Variants in GNAL observed in about 807,000 individuals in gnomAD.
The protein encoded by GNAL is G protein subunit alpha L.
A neutral mutation model predicts 55.1 loss-of-function variants in GNAL; 18 were observed. The ratio of observed to expected loss-of-function variants is 0.33; its 90% CI spans 0.23 to 0.48. The LOEUF (loss-of-function observed/expected upper bound fraction) is 0.48. GNAL is among the 20% of genes least tolerant of loss of function. GNAL has a pLI of 0.99. For synonymous variants in GNAL, 253 were observed against 237.0 expected (o/e 1.07, Z -0.62); for missense variants, 412 against 614.1 (o/e 0.67, Z 3.48).
At chr18:11,695,921 T>TGC (rs1491408169) in intron 1 of GNAL, among the ~76,000 whole-genome samples, 2 of 146,670 alleles carry the variant, frequency 1.4e-5, no homozygotes, top group East Asian at 3.9e-4. Context: ...CATGCACGCA[T>TGC]GCACACACAC....
intron 7 of GNAL, among the ~76,000 whole-genome samples, chr18:11,864,854 T>A (rs1438218053): frequency 1.3e-5 from 2 of 152,066 alleles, no homozygotes; most frequent in Admixed American, 6.6e-5. Flanking sequence ...GATTGGCCCT[T>A]TTTTTTAGAT....
intron 5 of GNAL, chr18:11,851,724 A>T (rs1228681631): frequency 6.2e-7 from 1 of 1,613,918 alleles, no homozygotes; most frequent in African/African-American, 1.3e-5. Context: ...TGAGTGCGCG[A>T]GTCGATGCAG....
chr18:11,823,665 T>G (rs947828780), intron 4 of GNAL, among the ~76,000 whole-genome samples: 1 of 152,224 alleles, frequency 6.6e-6, no homozygotes, highest in Non-Finnish European at 1.5e-5. Context: ...CCTTCTTTTT[T>G]TCTCCAAAGA....
intron 1 of GNAL, among the ~76,000 whole-genome samples, chr18:11,730,450 A>G (rs1486435197): frequency 6.6e-6 from 1 of 151,126 alleles, no homozygotes; most frequent in African/African-American, 2.4e-5. Flanking sequence ...GTGAGCCACC[A>G]TACCTGGCCA....
At chr18:11,861,286 C>T (rs1333153201) in intron 5 of GNAL, among the ~76,000 whole-genome samples, 1 of 152,202 alleles carries the variant, frequency 6.6e-6, no homozygotes, top group South Asian at 2.1e-4. Flanking sequence ...TCTAGGGTCC[C>T]TGCTGCCCCT....
intron 4 of GNAL, among the ~76,000 whole-genome samples, chr18:11,791,766 G>C (rs1194350916): frequency 1.3e-5 from 2 of 152,146 alleles, no homozygotes; most frequent in Non-Finnish European, 2.9e-5. Context: ...TCATTGCAAG[G>C]ACTCGAAGTA....
chr18:11,858,871 T>G (rs944868364), intron 5 of GNAL, among the ~76,000 whole-genome samples: 1 of 152,098 alleles, frequency 6.6e-6, no homozygotes, highest in Admixed American at 6.5e-5. Context: ...ATTTTGGAGG[T>G]TGGCGACAGG....
rs140188788 is a variant in GNAL at position 11,697,883 on chromosome 18, A to G, written c.376+7944A>G. ...GGCAGTGGCTGGAGAGCAGCTGGGC[A>G]TTTGCCTTGGGTCTCAGAGAGGCTG... On this transcript the variant is annotated intron_variant, in intron 1 of 11. Transcript: ENST00000334049. 9.8e-3 allele frequency among the ~76,000 whole-genome samples: 1,497 copies of G among 152,284 alleles called. 15 individuals are homozygous for G. Among genetic ancestry groups the G allele is most frequent in the African/African-American group, 0.031 (1,278 of 41,544 alleles).
intron 4 of GNAL, among the ~76,000 whole-genome samples, chr18:11,791,040 A>G (rs2076358942): frequency 6.6e-6 from 1 of 152,212 alleles, no homozygotes; most frequent in South Asian, 2.1e-4. Context: ...ACAGAGCAAG[A>G]TATCCAGATT....
chr18:11,755,026 GTGTA>G (rs1403262460), intron 4 of GNAL, among the ~76,000 whole-genome samples: 2 of 150,878 alleles, frequency 1.3e-5, no homozygotes, highest in African/African-American at 4.9e-5. Flanking sequence ...GTGTGTGTGT[GTGTA>G]TGTGTATTCA....
Position 11,885,033 on chromosome 18 carries a change from G to A in GNAL, c.*3898G>A, listed in dbSNP as rs756671150. 32 of 1,294,766 alleles carry A rather than the reference G, an allele frequency of 2.5e-5. No homozygotes were observed. Among genetic ancestry groups the A allele is most frequent in the Non-Finnish European group, 3.1e-5 (31 of 992,726 alleles). The allele number at this position is 1,294,766 out of a possible 1,614,324, so 80.2% of individuals were successfully genotyped here. ...TTCCTGCCCCTTGATGCTCAACTAAGCATCTGTTCCCTAGAAATACATGTG... is the reference window on the plus strand; with the variant it reads ...TTCCTGCCCCTTGATGCTCAACTAAACATCTGTTCCCTAGAAATACATGTG... On this transcript the variant is annotated 3_prime_UTR_variant, in exon 12 of 12. Transcript: ENST00000334049.
At chr18:11,797,619 C>T (rs568022898) in intron 4 of GNAL, among the ~76,000 whole-genome samples, 24 of 152,130 alleles carry the variant, frequency 1.6e-4, no homozygotes, top group African/African-American at 5.3e-4. Context: ...TGGTGTGTAC[C>T]TGTAGTCCCA....
chr18:11,857,168 T>G (rs988106446), intron 5 of GNAL: 1 of 152,134 alleles, frequency 6.6e-6, no homozygotes, highest in Non-Finnish European at 1.5e-5. Context: ...AGATCAGGAC[T>G]GTTTACACAG....
chr18:11,741,694 CATCT>C (rs2032579621), intron 1 of GNAL, among the ~76,000 whole-genome samples: 1 of 152,168 alleles, frequency 6.6e-6, no homozygotes. Flanking sequence ...TCAGAGCCTC[CATCT>C]GTCCCCCAGG....
intron 4 of GNAL, among the ~76,000 whole-genome samples, chr18:11,774,812 C>T (rs2033733634): frequency 6.6e-6 from 1 of 152,164 alleles, no homozygotes; most frequent in Non-Finnish European, 1.5e-5. Context: ...TTGGTGTGGT[C>T]ACTTCACCAT....
intron 5 of GNAL, among the ~76,000 whole-genome samples, chr18:11,829,523 G>A (rs536685003): frequency 4.6e-5 from 7 of 152,186 alleles, no homozygotes; most frequent in African/African-American, 9.6e-5. Context: ...TCCCACCACC[G>A]TCACTTCATA....
At chr18:11,715,942 T>C (rs1302994673) in intron 1 of GNAL, among the ~76,000 whole-genome samples, 2 of 150,450 alleles carry the variant, frequency 1.3e-5, no homozygotes, top group Non-Finnish European at 3.0e-5. Flanking sequence ...AAAACTACCA[T>C]GAGATACCAT....
At chr18:11,729,417 T>G (rs2032285224) in intron 1 of GNAL, among the ~76,000 whole-genome samples, 1 of 152,092 alleles carries the variant, frequency 6.6e-6, no homozygotes. Context: ...GCCCTTGGAA[T>G]CCCTCTCCCA....
chr18:11,723,928 G>A (rs186956029), intron 1 of GNAL, among the ~76,000 whole-genome samples: 2 of 152,328 alleles, frequency 1.3e-5, no homozygotes, highest in Admixed American at 1.3e-4. Context: ...AGGCAGGCTT[G>A]GCTTGGGATG....
Sources: allele counts gnomAD v4.1 joint callset (sites outside exome capture counted in the v4.1 genomes callset), GRCh38; gene constraint gnomAD v4.1.1; transcripts MANE v1.5; gene names NCBI Gene and HGNC (gene_info 2026-07-23, HGNC 2026-07-21).